CHLSN: variants seen among roughly 807,000 people sequenced by gnomAD.
CHLSN encodes protein cholesin.
chr7:1,116,118 A>G, the CHLSN span, among the ~76,000 whole-genome samples: 106 of 107,492 alleles, frequency 9.9e-4, 3 homozygotes, highest in East Asian at 0.029. Context: ...TTCCATCACC[A>G]ATGCCCATGC....
At chr7:1,046,359 TC>T in the CHLSN span, among the ~76,000 whole-genome samples, 1 of 152,176 alleles carries the variant, frequency 6.6e-6, no homozygotes, top group Non-Finnish European at 1.5e-5. Flanking sequence ...CACACGACGA[TC>T]CCACGGTGCT....
chr7:1,097,638 G>T, the CHLSN span, among the ~76,000 whole-genome samples: 1 of 152,166 alleles, frequency 6.6e-6, no homozygotes, highest in Admixed American at 6.5e-5. The surrounding 1 kb of genome is among the most constrained non-coding windows in gnomAD (Gnocchi z 4.3). Context: ...ATCTCAGGGG[G>T]CAGTGAGGTG....
chr7:1,055,621 G>A, the CHLSN span: 1 of 348,624 alleles, frequency 2.9e-6, no homozygotes, highest in Non-Finnish European at 5.7e-6. Context: ...AGTGCCACCG[G>A]TGGACATCTC....
the CHLSN span, among the ~76,000 whole-genome samples, chr7:1,021,806 G>A: frequency 1.3e-5 from 2 of 152,382 alleles, no homozygotes; most frequent in South Asian, 2.1e-4. Flanking sequence ...CCCGCCCAGC[G>A]AGAACTGTGC....
chr7:1,113,547 G>A, the CHLSN span, among the ~76,000 whole-genome samples: 1 of 152,184 alleles, frequency 6.6e-6, no homozygotes, highest in Non-Finnish European at 1.5e-5. Context: ...CGCCCCACAG[G>A]ATGCAGAACA....
At chr7:1,083,917 G>C in the CHLSN span, among the ~76,000 whole-genome samples, 1 of 152,236 alleles carries the variant, frequency 6.6e-6, no homozygotes. Context: ...CCAACCTGGC[G>C]CGGAGCCACG....
chr7:1,078,060 G>C, the CHLSN span: 29 of 152,288 alleles, frequency 1.9e-4, no homozygotes, highest in African/African-American at 6.3e-4. Flanking sequence ...AAAATACGGT[G>C]TATTTTTACA....
At chr7:1,093,036 G>A in the CHLSN span, 149 of 719,732 alleles carry the variant, frequency 2.1e-4, no homozygotes, top group Admixed American at 4.6e-4. Context: ...GAAACCTCAC[G>A]ACTGGTCACC....
At chr7:1,015,380 G>T in the CHLSN span, among the ~76,000 whole-genome samples, 2 of 152,236 alleles carry the variant, frequency 1.3e-5, no homozygotes, top group Admixed American at 1.3e-4. Context: ...GAATGTGCAA[G>T]TCCCTGTCTC....
At chr7:1,048,810 G>A in the CHLSN span, among the ~76,000 whole-genome samples, 66 of 152,204 alleles carry the variant, frequency 4.3e-4, no homozygotes, top group Non-Finnish European at 6.8e-4. Flanking sequence ...ACATTTTCAC[G>A]AGTTATGAAC....
At chr7:1,048,262 G>C in the CHLSN span, among the ~76,000 whole-genome samples, 3 of 152,182 alleles carry the variant, frequency 2.0e-5, no homozygotes, top group African/African-American at 4.8e-5. Flanking sequence ...GCCGGCCCCA[G>C]CTCTGACAGG....
At chr7:1,016,874 G>GCATGCCAGCA in the CHLSN span, among the ~76,000 whole-genome samples, 1 of 61,972 alleles carries the variant, frequency 1.6e-5, no homozygotes, top group Non-Finnish European at 2.8e-5. Flanking sequence ...ACACAGCAGC[G>GCATGCCAGCA]CACAGCAGCA....
chr7:1,039,591 G>A, the CHLSN span, among the ~76,000 whole-genome samples: 2 of 60,156 alleles, frequency 3.3e-5, 1 homozygote. Flanking sequence ...CCGTCCGGGA[G>A]GTGAGGGGCG....
At chr7:1,113,585 G>A in the CHLSN span, among the ~76,000 whole-genome samples, 4 of 152,318 alleles carry the variant, frequency 2.6e-5, no homozygotes, top group South Asian at 8.3e-4. Context: ...GCGCTGGGCA[G>A]GGACTCGGAG....
chr7:1,133,409 A>AAACAAAAC, the CHLSN span, among the ~76,000 whole-genome samples: 139 of 149,544 alleles, frequency 9.3e-4, no homozygotes, highest in Middle Eastern at 0.014. Flanking sequence ...AAAAAAAAAA[A>AAACAAAAC]AAAACTATAA....
the CHLSN span, chr7:997,890 C>T: frequency 2.3e-6 from 3 of 1,300,134 alleles, no homozygotes; most frequent in Middle Eastern, 2.2e-4. Context: ...CAGCCAAGGA[C>T]ACCCGGGCCT....
At chr7:1,028,308 A>ATG in the CHLSN span, 119 of 1,047,290 alleles carry the variant, frequency 1.1e-4, no homozygotes, top group Middle Eastern at 4.7e-4. Context: ...CGGGGCAGGG[A>ATG]TGCGCCCGCA....
the CHLSN span, chr7:1,044,586 T>TGAGCCCCGC: frequency 6.6e-6 from 1 of 150,740 alleles, no homozygotes; most frequent in Non-Finnish European, 1.5e-5. Flanking sequence ...GTGCGCGCCG[T>TGAGCCCCGC]GAGCCCCGCC....
the CHLSN span, among the ~76,000 whole-genome samples, chr7:1,118,353 G>C: frequency 6.6e-6 from 1 of 152,122 alleles, no homozygotes; most frequent in Non-Finnish European, 1.5e-5. Context: ...CGATACAAGA[G>C]AATCAATTGA....
Sources: gnomAD v4.1 joint callset for allele counts (sites outside exome capture counted in the v4.1 genomes callset) on GRCh38, gnomAD v4.1.1 for gene constraint, Gnocchi (gnomAD v3.1) non-coding constraint, MANE v1.5 for transcripts, NCBI Gene and HGNC (gene_info 2026-07-23, HGNC 2026-07-21) for gene names.